Variants in CDKN2B-AS1 observed in about 807,000 individuals in gnomAD.
CDKN2B-AS1 encodes the protein CDKN2B antisense RNA 1 (non-protein coding).
Position 22,072,919 on chromosome 9 carries a change from G to A in CDKN2B-AS1, n.438+16532G>A, listed in dbSNP as rs377292098. 1.2e-3 allele frequency among the ~76,000 whole-genome samples: 175 copies of A among 152,154 alleles called. 1 individual carries two copies. The highest frequency in any genetic ancestry group is 3.7e-3 in the African/African-American group (155 of 41,512). On this transcript the variant is annotated intron_variant and non_coding_transcript_variant, in intron 4 of 4. Coordinates refer to ENST00000650946, the Ensembl canonical transcript of CDKN2B-AS1. The stretch of plus-strand genomic sequence containing the variant: ...GGGAATAATATTCCTTTCTCATTTC[G>A]TAGAAATTGAAAGGAGATAAGTATG...
intron 1 of CDKN2B-AS1, among the ~76,000 whole-genome samples, chr9:22,007,662 T>C (rs1821260026): frequency 6.6e-6 from 1 of 152,160 alleles, no homozygotes; most frequent in Non-Finnish European, 1.5e-5. Flanking sequence ...TTAGAAATGT[T>C]CATTTCATCT....
intron 4 of CDKN2B-AS1, among the ~76,000 whole-genome samples, chr9:22,074,563 T>G (rs1824421968): frequency 6.6e-6 from 1 of 152,234 alleles, no homozygotes; most frequent in Non-Finnish European, 1.5e-5. Flanking sequence ...GTTTCCTTGT[T>G]GAAAATCTTT....
At chr9:22,044,130 G>C (rs576419025) in intron 1 of CDKN2B-AS1, among the ~76,000 whole-genome samples, 2 of 151,868 alleles carry the variant, frequency 1.3e-5, no homozygotes, top group African/African-American at 2.4e-5. Context: ...TTTCGCCTAG[G>C]TCAGCTATAA....
chr9:22,071,842 A>T (rs538816092), intron 4 of CDKN2B-AS1, among the ~76,000 whole-genome samples: 4 of 152,152 alleles, frequency 2.6e-5, no homozygotes, highest in African/African-American at 9.6e-5. Context: ...AGTCAGTATT[A>T]CTTACTTACT....
intron 4 of CDKN2B-AS1, among the ~76,000 whole-genome samples, chr9:22,086,948 A>G (rs948979063): frequency 6.6e-5 from 10 of 152,208 alleles, no homozygotes; most frequent in Admixed American, 5.2e-4. Flanking sequence ...ACCTATGTTA[A>G]TGCACACTAT....
At chr9:22,111,239 G>A (rs1039452064) in intron 4 of CDKN2B-AS1, among the ~76,000 whole-genome samples, 3 of 152,258 alleles carry the variant, frequency 2.0e-5, no homozygotes, top group Admixed American at 2.0e-4. Context: ...GAGTCACCAA[G>A]CAACTTGTTT....
chr9:22,086,541 G>A (rs1348772950), intron 4 of CDKN2B-AS1, among the ~76,000 whole-genome samples: 1 of 152,168 alleles, frequency 6.6e-6, no homozygotes, highest in South Asian at 2.1e-4. Flanking sequence ...GTCTACTAGA[G>A]TTCAATAATA....
intron 4 of CDKN2B-AS1, among the ~76,000 whole-genome samples, chr9:22,084,492 C>A (rs1322824300): frequency 6.6e-6 from 1 of 152,056 alleles, no homozygotes; most frequent in East Asian, 1.9e-4. Flanking sequence ...TTGGCCTGAT[C>A]AAAGCACCTT....
At chr9:22,119,751 G>A (rs1826050714) in intron 4 of CDKN2B-AS1, 1 of 152,220 alleles carries the variant, frequency 6.6e-6, no homozygotes, top group Non-Finnish European at 1.5e-5. Context: ...GTCCAAAAGG[G>A]TTGAAAGCTG....
intron 4 of CDKN2B-AS1, among the ~76,000 whole-genome samples, chr9:22,101,367 C>G (rs977711957): frequency 6.6e-6 from 1 of 152,022 alleles, no homozygotes; most frequent in Non-Finnish European, 1.5e-5. Context: ...TTATAAGATA[C>G]TCAGTCTGAA....
At chr9:22,040,522 G>C (rs1468431145) in intron 1 of CDKN2B-AS1, among the ~76,000 whole-genome samples, 2 of 151,968 alleles carry the variant, frequency 1.3e-5, no homozygotes, top group Non-Finnish European at 2.9e-5. Flanking sequence ...CAGTGAAGCA[G>C]ACTGGGAGAA....
chr9:22,046,754 C>T (rs1230802858), exon 2 of CDKN2B-AS1: 1 of 152,124 alleles, frequency 6.6e-6, no homozygotes, highest in Non-Finnish European at 1.5e-5. Context: ...CATCCAGTGT[C>T]CCTTTTGATG....
chr9:22,111,441 T>A (rs912376912), intron 4 of CDKN2B-AS1, among the ~76,000 whole-genome samples: 12 of 152,172 alleles, frequency 7.9e-5, no homozygotes, highest in African/African-American at 2.9e-4. Context: ...TTTTAAAAAA[T>A]CACCCAAAGC....
rs1820723184 is a variant in CDKN2B-AS1, at chr9:21,997,084, C to A, written n.29+1923C>A. ...TCAGACATGTATCTTTAGGCGATTT[C>A]ATTGTTGTGCAAACATCATATACAA... On this transcript the variant is annotated intron_variant and non_coding_transcript_variant, in intron 1 of 4. Coordinates refer to ENST00000650946, the Ensembl canonical transcript of CDKN2B-AS1. The surrounding 1 kb of genome is among the most constrained non-coding windows in gnomAD (Gnocchi z 4.8). Among the ~76,000 whole-genome samples the A allele has an allele frequency of 6.6e-6, 1 of 152,150 alleles. No homozygotes were observed. The highest frequency in any genetic ancestry group is 2.4e-5 in the African/African-American group (1 of 41,416).
At chr9:22,042,107 C>T (rs932590445) in intron 1 of CDKN2B-AS1, among the ~76,000 whole-genome samples, 2 of 152,052 alleles carry the variant, frequency 1.3e-5, no homozygotes, top group African/African-American at 4.8e-5. Context: ...ACTGCTAGCT[C>T]ATTCACTGCT....
At chr9:22,019,062 A>T (rs1445213987) in intron 1 of CDKN2B-AS1, among the ~76,000 whole-genome samples, 2 of 152,208 alleles carry the variant, frequency 1.3e-5, no homozygotes, top group Non-Finnish European at 2.9e-5. Context: ...GCATGTGGCA[A>T]GCTCTGAGGT....
intron 1 of CDKN2B-AS1, among the ~76,000 whole-genome samples, chr9:22,036,899 A>G (rs551717849): frequency 6.6e-6 from 1 of 152,208 alleles, no homozygotes; most frequent in South Asian, 2.1e-4. Context: ...GATTCTGGTC[A>G]AACAAGTTGC....
At chr9:22,061,835 C>T (rs1008741155) in intron 4 of CDKN2B-AS1, 1 of 151,826 alleles carries the variant, frequency 6.6e-6, no homozygotes, top group Non-Finnish European at 1.5e-5. Flanking sequence ...TAAATTTGTA[C>T]ATATATAAAT....
intron 4 of CDKN2B-AS1, among the ~76,000 whole-genome samples, chr9:22,096,190 TG>T (rs1825269791): frequency 6.6e-6 from 1 of 152,174 alleles, no homozygotes; most frequent in South Asian, 2.1e-4. Flanking sequence ...GGACAAATGT[TG>T]GGGAATGTTG....
Sources: allele counts gnomAD v4.1 joint callset (sites outside exome capture counted in the v4.1 genomes callset), GRCh38; gene constraint gnomAD v4.1.1; non-coding constraint Gnocchi (gnomAD v3.1); transcripts MANE v1.5; gene names NCBI Gene and HGNC (gene_info 2026-07-23, HGNC 2026-07-21).